The following TIMELESS variants were observed in gnomAD, a reference collection of about 807,000 sequenced individuals.
TIMELESS encodes timeless circadian regulator, also known as protein timeless homolog.
TIMELESS carries 124 observed loss-of-function variants against 164.3 expected under a neutral mutation model. The observed-to-expected ratio is 0.75, with a 90% confidence interval of 0.65 to 0.88. TIMELESS has a LOEUF of 0.88. Among genes scored for constraint, TIMELESS ranks in the 40% least tolerant of loss-of-function variants. The probability of loss-of-function intolerance (pLI) is 0.00; values close to 1 mark genes in which losing one functional copy is unlikely to be tolerated. For missense variants in TIMELESS, 1,422 were observed against 1,491.4 expected, an observed-to-expected ratio of 0.95 and a Z score of 0.77; for synonymous variants, 564 against 563.4, an observed-to-expected ratio of 1.00 and a Z score of -0.02.
chr12:56,433,397 T>C lies in TIMELESS; in HGVS notation c.413A>G (p.Tyr138Cys). The C allele has an allele frequency of 1.9e-6, 3 of 1,614,156 alleles. No homozygotes were observed. The highest frequency in any genetic ancestry group is 2.2e-5 in the East Asian group (1 of 44,878). Residue 138 changes from tyrosine (Y) to cysteine (C), a missense_variant, in exon 5 of 29, where the codon TAT (tyrosine) becomes TGT (cysteine). Transcript: ENST00000553532. ...KAFGVLSETL[Y>C]ELLQLGWEER... The stretch of plus-strand genomic sequence containing the variant: ...CTCACTCACCAGCTGCAGCAGCTCA[T>C]ACAAGGTTTCACTGAGGACTCCAAA...
Position 56,433,067 on chromosome 12 carries a change from T to C in TIMELESS, c.490A>G (p.Arg164Gly), listed in dbSNP as rs746773374. 6.2e-7 allele frequency: 1 copy of C among 1,613,928 alleles called. No homozygotes were observed. Residue 164 changes from arginine (R) to glycine (G), a missense_variant, in exon 6 of 29, where the codon AGA (arginine) becomes GGA (glycine). By Grantham distance (125) the Arg-to-Gly change is moderately radical. Coordinates refer to ENST00000553532, the MANE Select transcript of TIMELESS (RefSeq NM_003920.5). ...TCAGCTGGGACATGGAGAATATTTCTGACCAGCAGTAGGATCCGTTCAATC... is the reference window on the plus strand; with the variant it reads ...TCAGCTGGGACATGGAGAATATTTCCGACCAGCAGTAGGATCCGTTCAATC... ...LLIERILLLV[R>G]NILHVPADLD...
Position 56,423,693 on chromosome 12 carries a change from C to T in TIMELESS, c.1981G>A (p.Glu661Lys). ...SAPLPRQQGP[E>K]ERGAEEEEEE... ...TCTTCTTCCTCTGCCCCACGTTCCT[C>T]TGGGCCCTGCTGCCCTATAGACAGA... is the stretch of plus-strand genomic sequence containing the variant. Residue 661 changes from glutamate (E) to lysine (K), a missense_variant, in exon 17 of 29, where the codon GAG becomes AAG. Physicochemically the swap from Glu to Lys is moderately conservative, Grantham distance 56 (BLOSUM62 1). Coordinates refer to ENST00000553532, the MANE Select transcript of TIMELESS (RefSeq NM_003920.5). The T allele has an allele frequency of 6.2e-7, 1 of 1,614,054 alleles. No individual in the cohort carries two copies.
Position 56,417,232 on chromosome 12 carries a change from G to A in TIMELESS, c.*484C>T, listed in dbSNP as rs756784811. The A allele has an allele frequency of 2.4e-5, 4 of 165,402 alleles. No homozygotes were observed. The highest frequency in any genetic ancestry group is 4.0e-5 in the Non-Finnish European group (3 of 74,886). 10.2% of individuals were successfully genotyped at this position (165,402 alleles called of 1,614,324 possible). On this transcript the variant is annotated 3_prime_UTR_variant, in exon 29 of 29. Coordinates refer to ENST00000553532, the MANE Select transcript of TIMELESS (RefSeq NM_003920.5). The stretch of plus-strand genomic sequence containing the variant: ...CAAATGCAGGAATGGGCCTCTATCT[G>A]GTATCTAGAGGATGATCATAGGAAA...
intron 1 of TIMELESS, among the ~76,000 whole-genome samples, chr12:56,448,564 A>T (rs1034669801): frequency 6.8e-6 from 1 of 147,846 alleles, no homozygotes; most frequent in African/African-American, 2.5e-5. Flanking sequence ...CATCTCTACT[A>T]AAAAAAATAC....
At chr12:56,420,479 G>A in intron 26 of TIMELESS, 90 bp downstream of exon 26, 1 of 974,434 alleles carries the variant, frequency 1.0e-6, no homozygotes, top group Non-Finnish European at 1.6e-6. Context: ...TAAGGATAAG[G>A]AGGACCACCA....
At chr12:56,420,006 CAAAA>C (rs57647901) in intron 26 of TIMELESS, among the ~76,000 whole-genome samples, 35 of 13,280 alleles carry the variant, frequency 2.6e-3, no homozygotes, top group African/African-American at 1.0e-2. Context: ...GACTCTGTCT[CAAAA>C]AAAAAAAAAA....
intron 19 of TIMELESS, among the ~76,000 whole-genome samples, chr12:56,422,462 C>T (rs932749533): frequency 6.6e-6 from 1 of 152,236 alleles, no homozygotes; most frequent in East Asian, 1.9e-4. Flanking sequence ...GAAAAAGAGA[C>T]TAAGTGTGAA....
intron 1 of TIMELESS, among the ~76,000 whole-genome samples, chr12:56,446,281 A>G (rs1324733455): frequency 1.3e-5 from 2 of 152,226 alleles, no homozygotes; most frequent in Non-Finnish European, 2.9e-5. Context: ...CAATGGATAC[A>G]TAAGAAACTT....
At position 56,424,886 on chromosome 12, in the gene TIMELESS, C is replaced by A; in HGVS notation, c.1744G>T (p.Val582Phe). 6.2e-7 allele frequency: 1 copy of A among 1,614,222 alleles called. No homozygotes were observed. Among genetic ancestry groups the A allele is most frequent in the African/African-American group, 1.3e-5 (1 of 75,060 alleles). The change falls in exon 15 of 29, where the codon GTT becomes TTT. Residue 582 changes from valine (V) to phenylalanine (F), a missense_variant. Coordinates refer to ENST00000553532, the MANE Select transcript of TIMELESS (RefSeq NM_003920.5). ...QNSELSMDSV[V>F]PFDAASEVPV... ...ACCTCTGAGGCCGCATCAAAGGGAA[C>A]CACGGAGTCCATGCTGAGCTCAGAA...
chr12:56,444,798 T>G (rs921947845), intron 1 of TIMELESS, among the ~76,000 whole-genome samples: 1 of 151,998 alleles, frequency 6.6e-6, no homozygotes, highest in African/African-American at 2.4e-5. Flanking sequence ...CCTACTTAAG[T>G]GCTGATTTTC....
rs1881751326 is a variant in TIMELESS, at chr12:56,428,482, TG to T, written c.1408+66del. The T allele has an allele frequency of 1.2e-5, 20 of 1,608,484 alleles. No individual in the cohort carries two copies. In the East Asian group the frequency reaches 1.3e-4, roughly 11 times the overall value. ...AAGGAGAGATGGATGAAGCTGGGAC[TG>T]GGAAGAATGAGATTCTCATCACGAG... On this transcript the variant is annotated intron_variant, in intron 12 of 28. Transcript: ENST00000553532.
rs781473134 is a variant in TIMELESS at position 56,423,796 on chromosome 12, C to T, written c.1966+1G>A. ...GACAGATGTGAAGGGTGGAGACTCACGGGGAAGTGGAGCAGAGAGGATTTG... is the reference window on the plus strand; with the variant it reads ...GACAGATGTGAAGGGTGGAGACTCATGGGGAAGTGGAGCAGAGAGGATTTG... On this transcript the variant is annotated splice_donor_variant, in intron 16 of 28. Transcript: ENST00000553532. LOFTEE classifies it high-confidence loss of function. 7.4e-6 allele frequency: 12 copies of T among 1,614,002 alleles called. No homozygotes were observed. In the South Asian group the frequency reaches 7.7e-5, roughly 10 times the overall value.
intron 11 of TIMELESS, 107 bp downstream of exon 11, chr12:56,428,776 G>C: frequency 1.4e-6 from 2 of 1,473,774 alleles, no homozygotes; most frequent in Non-Finnish European, 1.9e-6. Flanking sequence ...GCCAGTCCTT[G>C]CTCCCCAGAC....
chr12:56,449,095 G>C (rs1018416450), intron 1 of TIMELESS, among the ~76,000 whole-genome samples: 1 of 152,252 alleles, frequency 6.6e-6, no homozygotes, highest in Non-Finnish European at 1.5e-5. Flanking sequence ...GAGCAGCGTA[G>C]GGCTAAGCCC....
intron 1 of TIMELESS, among the ~76,000 whole-genome samples, chr12:56,437,096 A>C (rs367763526): frequency 1.5e-4 from 23 of 152,086 alleles, no homozygotes; most frequent in African/African-American, 5.6e-4. Context: ...TACCAGGCTA[A>C]CTTTGTATTT....
At chr12:56,429,497 CTTTTTTTT>C (rs35987061) in intron 10 of TIMELESS, among the ~76,000 whole-genome samples, 4 of 50,084 alleles carry the variant, frequency 8.0e-5, no homozygotes, top group Non-Finnish European at 1.1e-4. Flanking sequence ...TGCGCCTGGT[CTTTTTTTT>C]TTTTTTTTTT....
intron 1 of TIMELESS, among the ~76,000 whole-genome samples, chr12:56,440,853 T>G (rs769726210): frequency 1.3e-5 from 2 of 152,226 alleles, no homozygotes; most frequent in Admixed American, 6.5e-5. Flanking sequence ...GGTCTCCCTC[T>G]GTCACCCAGG....
chr12:56,431,470 C>A lies in TIMELESS; in HGVS notation c.821+1G>T, dbSNP rs1565684466. On this transcript the variant is annotated splice_donor_variant, in intron 8 of 28. Transcript: ENST00000553532. LOFTEE classifies it high-confidence loss of function. Reference sequence around the variant, plus strand: ...AAAGAACCTGCCTCTCTGTCACTCACCTGTTGCCTCGCTGGAGGGCTCGAG... The same window carrying A: ...AAAGAACCTGCCTCTCTGTCACTCAACTGTTGCCTCGCTGGAGGGCTCGAG... The A allele has an allele frequency of 6.2e-7, 1 of 1,608,496 alleles. No individual in the cohort carries two copies. Among genetic ancestry groups the A allele is most frequent in the African/African-American group, 1.3e-5 (1 of 74,644 alleles).
chr12:56,421,099 C>T lies in TIMELESS; in HGVS notation c.2904G>A (p.Gln968=). 1 of 1,614,162 alleles carries T rather than the reference C, an allele frequency of 6.2e-7. No individual in the cohort carries two copies. Among genetic ancestry groups the T allele is most frequent in the Non-Finnish European group, 8.5e-7 (1 of 1,180,022 alleles). The change falls in exon 24 of 29, where the codon CAG becomes CAA. Residue 968 remains glutamine (Q), a synonymous_variant. Coordinates refer to ENST00000553532, the MANE Select transcript of TIMELESS (RefSeq NM_003920.5). ...GGTTTTCCTCTTCTTCCAGATCTTC[C>T]TGGCAAAAATCTTTCAGGGACTCCG... ...NGAESLKDFC[Q]EDLEEEENLP...
Sources: gnomAD v4.1 joint callset for allele counts (sites outside exome capture counted in the v4.1 genomes callset) on GRCh38, gnomAD v4.1.1 for gene constraint, MANE v1.5 for transcripts, NCBI Gene and HGNC (gene_info 2026-07-23, HGNC 2026-07-21) for gene names.